Variants in CSNK1G3 observed in about 807,000 individuals in gnomAD.
CSNK1G3 encodes casein kinase 1 gamma 3.
A neutral mutation model predicts 64.3 loss-of-function variants in CSNK1G3; 23 were observed. The ratio of observed to expected loss-of-function variants is 0.36; its 90% CI spans 0.26 to 0.51. The LOEUF (loss-of-function observed/expected upper bound fraction) is 0.51. Among genes scored for constraint, CSNK1G3 ranks in the 20% least tolerant of loss-of-function variants. The pLI is 0.96. For synonymous variants in CSNK1G3, 158 were observed against 162.2 expected (o/e 0.97, Z 0.20); for missense variants, 357 against 510.5 (o/e 0.70, Z 2.90).
intron 6 of CSNK1G3, among the ~76,000 whole-genome samples, chr5:123,581,360 G>GTTTTTTTTTTTTTTTTTTTTTTGTTTTT (rs10612602): frequency 1.2e-5 from 1 of 81,600 alleles, no homozygotes; most frequent in African/African-American, 5.1e-5. Flanking sequence ...TTTTGGGTTT[G>GTTTTTTTTTTTTTTTTTTTTTTGTTTTT]TTTTTTTTTT....
At position 123,520,676 on chromosome 5, in the gene CSNK1G3, G is replaced by T. The variant is rs146027880; in HGVS notation, c.-248+8106G>T. 2.0e-3 allele frequency among the ~76,000 whole-genome samples: 309 copies of T among 151,888 alleles called. 1 individual carries two copies. Among genetic ancestry groups the T allele is most frequent in the Middle Eastern group, 3.4e-3 (1 of 294 alleles). On this transcript the variant is annotated intron_variant, in intron 1 of 12. Coordinates refer to ENST00000345990, the Ensembl canonical transcript of CSNK1G3. Reference sequence around the variant, plus strand: ...TATCTTAAAATTTTAAATTGAAATTGGCCATATAATATCTTTTGGTACAAA... The same window carrying T: ...TATCTTAAAATTTTAAATTGAAATTTGCCATATAATATCTTTTGGTACAAA...
At chr5:123,565,294 T>A (rs762080365) in intron 4 of CSNK1G3, among the ~76,000 whole-genome samples, 10 of 152,176 alleles carry the variant, frequency 6.6e-5, no homozygotes, top group Admixed American at 1.3e-4. Flanking sequence ...AATTTTGATA[T>A]TACTGACTTC....
chr5:123,539,516 A>G (rs570755000), intron 1 of CSNK1G3, among the ~76,000 whole-genome samples: 14 of 151,300 alleles, frequency 9.3e-5, no homozygotes, highest in Non-Finnish European at 1.3e-4. Flanking sequence ...TTCAAATGTT[A>G]AGTCAGTGGT....
intron 10 of CSNK1G3, among the ~76,000 whole-genome samples, chr5:123,604,129 A>G (rs762268072): frequency 5.9e-5 from 9 of 152,160 alleles, no homozygotes; most frequent in Non-Finnish European, 1.2e-4. Context: ...TTGATTAGAT[A>G]TGGGATATGT....
intron 6 of CSNK1G3, among the ~76,000 whole-genome samples, chr5:123,585,347 A>G (rs1791130000): frequency 6.6e-6 from 1 of 152,142 alleles, no homozygotes; most frequent in Non-Finnish European, 1.5e-5. Context: ...TAAATGTAGG[A>G]ACCATAACTA....
intron 4 of CSNK1G3, among the ~76,000 whole-genome samples, chr5:123,571,609 T>A (rs1188376728): frequency 1.3e-5 from 2 of 152,204 alleles, no homozygotes; most frequent in African/African-American, 4.8e-5. Flanking sequence ...AGACTAAGAA[T>A]GTAGTTTTCT....
chr5:123,547,214 T>C (rs1439102327), intron 2 of CSNK1G3, among the ~76,000 whole-genome samples: 1 of 152,116 alleles, frequency 6.6e-6, no homozygotes, highest in East Asian at 1.9e-4. Flanking sequence ...ACTCAGGGCT[T>C]CACGTTTTTC....
chr5:123,531,220 T>G (rs550483766), intron 1 of CSNK1G3, among the ~76,000 whole-genome samples: 4 of 152,242 alleles, frequency 2.6e-5, no homozygotes, highest in Admixed American at 2.6e-4. Flanking sequence ...TAAACAATAT[T>G]GAATAACATG....
At chr5:123,603,202 C>T (rs1794783230) in intron 10 of CSNK1G3, among the ~76,000 whole-genome samples, 2 of 151,576 alleles carry the variant, frequency 1.3e-5, no homozygotes, top group Admixed American at 6.6e-5. Context: ...GGTTGGAGAA[C>T]TGATTGCAAG....
At chr5:123,564,745 A>G (rs890240284) in intron 4 of CSNK1G3, among the ~76,000 whole-genome samples, 2 of 152,142 alleles carry the variant, frequency 1.3e-5, no homozygotes, top group Non-Finnish European at 2.9e-5. Context: ...TTTACAGTAG[A>G]ATAACTTGAT....
chr5:123,539,437 TAAAA>T (rs375475060), intron 1 of CSNK1G3, among the ~76,000 whole-genome samples: 3 of 133,244 alleles, frequency 2.3e-5, no homozygotes, highest in Admixed American at 7.7e-5. Flanking sequence ...AAGAGCAGAT[TAAAA>T]AAAAAAAAAA....
intron 3 of CSNK1G3, among the ~76,000 whole-genome samples, chr5:123,557,248 A>G (rs925557337): frequency 6.6e-6 from 1 of 152,130 alleles, no homozygotes; most frequent in Non-Finnish European, 1.5e-5. Flanking sequence ...CTCAGGGTCA[A>G]AGAGTCAAAC....
At chr5:123,522,034 C>T (rs1256776235) in intron 1 of CSNK1G3, among the ~76,000 whole-genome samples, 3 of 152,064 alleles carry the variant, frequency 2.0e-5, no homozygotes, top group Non-Finnish European at 4.4e-5. Flanking sequence ...ACTCTCAGCC[C>T]TTTAAAAAAA....
chr5:123,574,077 C>T (rs1788669412), intron 5 of CSNK1G3, among the ~76,000 whole-genome samples: 1 of 152,116 alleles, frequency 6.6e-6, no homozygotes, highest in South Asian at 2.1e-4. Context: ...TCTCGATCTC[C>T]TGACCTTGTG....
chr5:123,543,609 C>T (rs991746194), intron 1 of CSNK1G3, among the ~76,000 whole-genome samples: 10 of 152,130 alleles, frequency 6.6e-5, no homozygotes, highest in African/African-American at 2.2e-4. Context: ...CTGTGTGTTG[C>T]CTGAGCCTCA....
chr5:123,612,563 C>T (rs958155559), intron 12 of CSNK1G3, among the ~76,000 whole-genome samples: 18 of 151,746 alleles, frequency 1.2e-4, no homozygotes, highest in African/African-American at 4.4e-4. Context: ...CTGCAACCTC[C>T]GCCTCCTGGG....
chr5:123,576,969 G>C (rs1456900395), intron 6 of CSNK1G3, among the ~76,000 whole-genome samples: 2 of 151,972 alleles, frequency 1.3e-5, no homozygotes, highest in African/African-American at 4.8e-5. Flanking sequence ...TTCTCCCCCA[G>C]TTATTGACTT....
intron 4 of CSNK1G3, among the ~76,000 whole-genome samples, chr5:123,568,266 A>G (rs1787334656): frequency 6.6e-6 from 1 of 152,176 alleles, no homozygotes; most frequent in African/African-American, 2.4e-5. Flanking sequence ...GCAGTGGATC[A>G]GACCAGCAGC....
At chr5:123,517,997 A>G (rs1289057352) in intron 1 of CSNK1G3, among the ~76,000 whole-genome samples, 5 of 150,752 alleles carry the variant, frequency 3.3e-5, no homozygotes, top group African/African-American at 9.7e-5. Flanking sequence ...TGAATTGTTT[A>G]TCTAGTCAGG....
Sources: gnomAD v4.1 joint callset for allele counts (sites outside exome capture counted in the v4.1 genomes callset) on GRCh38, gnomAD v4.1.1 for gene constraint, MANE v1.5 for transcripts, NCBI Gene and HGNC (gene_info 2026-07-23, HGNC 2026-07-21) for gene names.